CRADD: variants seen among roughly 807,000 people sequenced by gnomAD.
The protein encoded by CRADD is CARD and death domain containing adaptor protein.
Under a neutral mutation model 15.5 loss-of-function variants are expected in CRADD, and 9 were observed. That is an observed-to-expected ratio of 0.58 (90% CI 0.35 to 1.01). The LOEUF is 1.01. Ranked by LOEUF, CRADD falls within the 50% of genes least tolerant of loss-of-function variation. CRADD has a pLI of 0.02. For missense variants in CRADD, 227 were observed against 250.3 expected, an observed-to-expected ratio of 0.91 and a Z score of 0.63; for synonymous variants, 118 against 107.6, an observed-to-expected ratio of 1.10 and a Z score of -0.60.
intron 2 of CRADD, among the ~76,000 whole-genome samples, chr12:93,779,739 A>C (rs967700455): frequency 2.0e-5 from 3 of 152,116 alleles, no homozygotes; most frequent in Admixed American, 6.5e-5. Context: ...ACAGGTGCCC[A>C]CCACCATGTC....
intron 2 of CRADD, among the ~76,000 whole-genome samples, chr12:93,844,162 T>C (rs1193479243): frequency 1.3e-5 from 2 of 152,252 alleles, no homozygotes; most frequent in Non-Finnish European, 2.9e-5. Flanking sequence ...TAGATGACTA[T>C]TGCAATACAG....
chr12:93,825,671 G>T (rs968334816), intron 2 of CRADD, among the ~76,000 whole-genome samples: 2 of 152,148 alleles, frequency 1.3e-5, no homozygotes, highest in African/African-American at 4.8e-5. Flanking sequence ...AAAACATAGG[G>T]CTGGCTAAGC....
At chr12:93,890,544 A>G (rs1194226455) in intron 2 of CRADD, among the ~76,000 whole-genome samples, 3 of 152,024 alleles carry the variant, frequency 2.0e-5, no homozygotes, top group African/African-American at 7.2e-5. Context: ...AGGAGGTTAG[A>G]TCTGGAGGGG....
chr12:93,885,327 ACTTAAAG>A (rs1958528804), intron 2 of CRADD, among the ~76,000 whole-genome samples: 1 of 152,220 alleles, frequency 6.6e-6, no homozygotes, highest in Non-Finnish European at 1.5e-5. Flanking sequence ...CCAAAGATCC[ACTTAAAG>A]AAATACAAAC....
chr12:93,719,002 T>A (rs1956213129), intron 2 of CRADD, among the ~76,000 whole-genome samples: 1 of 152,048 alleles, frequency 6.6e-6, no homozygotes, highest in South Asian at 2.1e-4. Context: ...TCTAGCAATC[T>A]TCTTGCCTCA....
intron 2 of CRADD, among the ~76,000 whole-genome samples, chr12:93,687,877 T>TG (rs1955474562): frequency 1.3e-5 from 2 of 152,338 alleles, no homozygotes; most frequent in South Asian, 4.1e-4. Context: ...TGGGGATATA[T>TG]AGGCTACACA....
chr12:93,735,098 C>G (rs1956542450), intron 2 of CRADD, among the ~76,000 whole-genome samples: 2 of 152,156 alleles, frequency 1.3e-5, no homozygotes, highest in African/African-American at 4.8e-5. Context: ...CCGCTGTTTC[C>G]CTGGCTAGCA....
chr12:93,850,077 C>T lies in CRADD; in HGVS notation c.406C>T (p.Leu136=), dbSNP rs56944668. 268,339 of 1,612,042 alleles carry T rather than the reference C, an allele frequency of 0.17. 24,557 individuals are homozygous for T. The highest frequency in any genetic ancestry group is 0.42 in the East Asian group (18,641 of 44,840). Residue 136 remains leucine, a synonymous_variant, in exon 3 of 3, where the codon CTG becomes TTG. Coordinates refer to ENST00000332896, the MANE Select transcript of CRADD (RefSeq NM_003805.5). This position sits in a 1 kb window ranked among gnomAD's most constrained non-coding sequence, Gnocchi z 4.0. ...RLGPEWEPMV[L]SLGLSQTDIY... ...GGGCCCTGAGTGGGAGCCCATGGTG[C>T]TGTCTCTGGGACTGTCCCAGACGGA...
At chr12:93,847,994 A>G (rs1325561516) in intron 2 of CRADD, among the ~76,000 whole-genome samples, 1 of 152,200 alleles carries the variant, frequency 6.6e-6, no homozygotes, top group African/African-American at 2.4e-5. Flanking sequence ...AGAAAAGGTC[A>G]TATGTTATCA....
Position 93,870,477 on chromosome 12 carries a change from C to T in CRADD, c.299-23573C>T, listed in dbSNP as rs185439694. 3.4e-4 allele frequency among the ~76,000 whole-genome samples: 52 copies of T among 152,298 alleles called. No homozygotes were observed. The East Asian group carries it at 7.7e-3, about 23-fold the overall frequency. ...TACCCTCAGAAGGGCAGGCTACTGA[C>T]ATTTTTTTGTCCATCCCAGCCCCGT... On this transcript the variant is annotated intron_variant, in intron 2 of 2. Transcript: ENST00000548483.
chr12:93,877,803 T>C (rs1007734724), intron 2 of CRADD, among the ~76,000 whole-genome samples: 9 of 152,164 alleles, frequency 5.9e-5, no homozygotes, highest in Non-Finnish European at 1.2e-4. Flanking sequence ...AGTCAAGTCC[T>C]GGAGTTGAGG....
intron 2 of CRADD, among the ~76,000 whole-genome samples, chr12:93,832,568 A>G (rs1171178724): frequency 1.3e-5 from 2 of 152,208 alleles, no homozygotes; most frequent in African/African-American, 4.8e-5. Context: ...TACTTAGTAA[A>G]CAGCAGCAAA....
At chr12:93,681,523 G>A (rs1157177879) in intron 2 of CRADD, among the ~76,000 whole-genome samples, 2 of 151,742 alleles carry the variant, frequency 1.3e-5, no homozygotes, top group African/African-American at 4.8e-5. Context: ...TACCTTCCAC[G>A]GTGACAATCA....
At chr12:93,861,391 T>G (rs1388320647) in intron 2 of CRADD, among the ~76,000 whole-genome samples, 1 of 152,228 alleles carries the variant, frequency 6.6e-6, no homozygotes, top group Non-Finnish European at 1.5e-5. Context: ...CATAGTGAAG[T>G]GTGGTGGAGG....
chr12:93,866,376 T>C (rs1057152773), intron 2 of CRADD, among the ~76,000 whole-genome samples: 25 of 152,200 alleles, frequency 1.6e-4, no homozygotes, highest in African/African-American at 6.0e-4. Context: ...CCAACCTTCT[T>C]ACTGGATTTT....
At chr12:93,745,700 T>G (rs1219599610) in intron 2 of CRADD, among the ~76,000 whole-genome samples, 1 of 152,262 alleles carries the variant, frequency 6.6e-6, no homozygotes, top group African/African-American at 2.4e-5. Context: ...TTGTTTCTCC[T>G]AATTTGTGAC....
intron 2 of CRADD, among the ~76,000 whole-genome samples, chr12:93,788,532 C>T (rs1957308097): frequency 6.6e-6 from 1 of 152,214 alleles, no homozygotes. Flanking sequence ...TACCACTGGA[C>T]CCTTGTTAGA....
chr12:93,742,232 T>A (rs773337361), intron 2 of CRADD, among the ~76,000 whole-genome samples: 1 of 152,202 alleles, frequency 6.6e-6, no homozygotes, highest in Non-Finnish European at 1.5e-5. Flanking sequence ...GAGAAGGCTT[T>A]GAGGCATCTG....
intron 2 of CRADD, among the ~76,000 whole-genome samples, chr12:93,726,885 C>T (rs912652012): frequency 1.3e-5 from 2 of 152,138 alleles, no homozygotes; most frequent in Admixed American, 6.5e-5. Flanking sequence ...TGAAAGAGCC[C>T]TCTTTGGCAT....
Sources: allele counts gnomAD v4.1 joint callset (sites outside exome capture counted in the v4.1 genomes callset), GRCh38; gene constraint gnomAD v4.1.1; non-coding constraint Gnocchi (gnomAD v3.1); transcripts MANE v1.5; gene names NCBI Gene and HGNC (gene_info 2026-07-23, HGNC 2026-07-21).